The following ZCCHC4 variants were observed in gnomAD, a reference collection of about 807,000 sequenced individuals.
The protein encoded by ZCCHC4 is zinc finger CCHC-type containing 4.
Under a neutral mutation model 67.7 loss-of-function variants are expected in ZCCHC4, and 54 were observed. The observed-to-expected ratio is 0.80, with a 90% CI of 0.64 to 1.00. The LOEUF is 1.00. ZCCHC4 is among the 50% of genes least tolerant of loss of function. ZCCHC4 has a pLI of 0.00. For synonymous variants in ZCCHC4, 198 were observed against 213.5 expected (o/e 0.93, Z 0.63); for missense variants, 609 against 617.0 (o/e 0.99, Z 0.14).
rs1403396042 is a variant in ZCCHC4 at position 25,365,066 on chromosome 4, C to G, written c.1306C>G (p.His436Asp). 1.2e-6 allele frequency: 2 copies of G among 1,614,206 alleles called. No homozygotes were observed. The highest frequency in any genetic ancestry group is 1.7e-5 in the Admixed American group (1 of 60,026). Residue 436 changes from histidine (H) to aspartate (D), a missense_variant, in exon 12 of 13, where the codon CAT becomes GAT. By Grantham distance (81) the His-to-Asp change is moderately conservative. Transcript: ENST00000302874. Reference protein sequence around the residue: ...SICNHCAVPDHSCEGPKHGCF... With the variant: ...SICNHCAVPDDSCEGPKHGCF... The stretch of plus-strand genomic sequence containing the variant: ...CTGCAATCACTGTGCTGTTCCAGAT[C>G]ATTCTTGTGAGGGCCCCAAACATGG...
intron 3 of ZCCHC4, among the ~76,000 whole-genome samples, chr4:25,323,042 T>C (rs1718666375): frequency 1.3e-5 from 2 of 152,208 alleles, no homozygotes; most frequent in African/African-American, 4.8e-5. Flanking sequence ...TAATGTTTGG[T>C]TGTTCCTTTT....
At chr4:25,345,681 C>T in intron 6 of ZCCHC4, 61 bp downstream of exon 6, 1 of 1,114,482 alleles carries the variant, frequency 9.0e-7, no homozygotes, top group Non-Finnish European at 1.3e-6. Context: ...TTTCAGAGTG[C>T]CTCCTTTGTT....
rs538065639 is a variant in ZCCHC4 at position 25,365,644 on chromosome 4, A to G, written c.1406+478A>G. 172 of 985,618 alleles carry G rather than the reference A, an allele frequency of 1.7e-4. No homozygotes were observed. The African/African-American group carries it at 2.9e-3, about 17-fold the overall frequency. The allele number at this position is 985,618 out of a possible 1,614,324, so 61.1% of individuals were successfully genotyped here. ...GTATCAAATTTTAAGAAAAATATTTAGACATGCTTAATGCTTAAATATTTG... is the reference window on the plus strand; with the variant it reads ...GTATCAAATTTTAAGAAAAATATTTGGACATGCTTAATGCTTAAATATTTG... On this transcript the variant is annotated intron_variant, in intron 12 of 12. Coordinates refer to ENST00000302874, the MANE Select transcript of ZCCHC4 (RefSeq NM_024936.3).
intron 5 of ZCCHC4, among the ~76,000 whole-genome samples, chr4:25,344,771 T>C (rs1470679092): frequency 6.6e-6 from 1 of 151,178 alleles, no homozygotes; most frequent in African/African-American, 2.4e-5. Context: ...TTTATTAAGC[T>C]AGCCTGCGTT....
chr4:25,328,294 C>T (rs920741273), intron 3 of ZCCHC4, among the ~76,000 whole-genome samples: 18 of 152,094 alleles, frequency 1.2e-4, no homozygotes, highest in African/African-American at 4.3e-4. Flanking sequence ...GGCTGGAGTG[C>T]AGTGGCACGA....
chr4:25,360,525 G>C (rs762734387), intron 8 of ZCCHC4, among the ~76,000 whole-genome samples: 4 of 152,244 alleles, frequency 2.6e-5, no homozygotes, highest in African/African-American at 4.8e-5. Flanking sequence ...TGGCAGGACA[G>C]GCTACAGACA....
chr4:25,354,189 G>A (rs1239266799), intron 8 of ZCCHC4, among the ~76,000 whole-genome samples: 1 of 152,142 alleles, frequency 6.6e-6, no homozygotes, highest in Non-Finnish European at 1.5e-5. Context: ...TACAGCAGAT[G>A]AGAGAGGCAA....
intron 5 of ZCCHC4, among the ~76,000 whole-genome samples, chr4:25,340,208 C>G (rs1357304962): frequency 6.6e-6 from 1 of 152,110 alleles, no homozygotes; most frequent in Non-Finnish European, 1.5e-5. Flanking sequence ...GGTCTAACTG[C>G]TTGCATGTAG....
At chr4:25,323,299 T>G (rs2109053778) in intron 3 of ZCCHC4, among the ~76,000 whole-genome samples, 1 of 152,302 alleles carries the variant, frequency 6.6e-6, no homozygotes, top group African/African-American at 2.4e-5. Context: ...AAAGAAAAGA[T>G]AAATGTTTCA....
In ZCCHC4 at chr4:25,312,935, C is replaced by T. The variant is rs765963598; in HGVS notation, c.126C>T (p.His42=). The T allele has an allele frequency of 3.7e-6, 6 of 1,612,060 alleles. No individual in the cohort carries two copies. The highest frequency in any genetic ancestry group is 1.1e-5 in the South Asian group (1 of 91,010). ...DPAVPAPLCP[H]GPTLLFVKVT... Reference sequence around the variant, plus strand: ...CCGTCCCCGCCCCGCTGTGCCCTCACGGTGGGTCAGAGTCTGGGCTCAGCC... The same window carrying T: ...CCGTCCCCGCCCCGCTGTGCCCTCATGGTGGGTCAGAGTCTGGGCTCAGCC... The change falls in exon 1 of 13, where the codon CAC becomes CAT. Residue 42 remains histidine, a splice_region_variant and synonymous_variant. Coordinates refer to ENST00000302874, the MANE Select transcript of ZCCHC4 (RefSeq NM_024936.3).
At chr4:25,333,784 C>A (rs889581799) in intron 4 of ZCCHC4, 124 bp from the exon 5 acceptor site, 2 of 747,434 alleles carry the variant, frequency 2.7e-6, no homozygotes, top group Non-Finnish European at 4.1e-6. Context: ...CTGCCAAATT[C>A]TCTTCAGTGT....
intron 3 of ZCCHC4, among the ~76,000 whole-genome samples, chr4:25,318,797 T>G (rs55805374): frequency 0.45 from 68,579 of 151,542 alleles, 17,258 homozygotes; most frequent in Non-Finnish European, 0.56. Context: ...TTATTTTTTT[T>G]GGGGGGCCAT....
chr4:25,342,720 A>G (rs1201429969), intron 5 of ZCCHC4, among the ~76,000 whole-genome samples: 1 of 152,182 alleles, frequency 6.6e-6, no homozygotes, highest in Non-Finnish European at 1.5e-5. Flanking sequence ...TGTTTGCCTT[A>G]TTCAATGGAG....
intron 8 of ZCCHC4, among the ~76,000 whole-genome samples, chr4:25,360,042 A>C (rs1720663737): frequency 1.3e-5 from 2 of 152,246 alleles, no homozygotes; most frequent in African/African-American, 4.8e-5. Context: ...GAACTAGGAC[A>C]GTATCACTAT....
In ZCCHC4 at chr4:25,359,407, GGGC is replaced by G. The variant is rs1720635300; in HGVS notation, c.1012-2451_1012-2449del. 6.6e-6 allele frequency among the ~76,000 whole-genome samples: 1 copy of G among 152,134 alleles called. No individual in the cohort carries two copies. Among genetic ancestry groups the G allele is most frequent in the Non-Finnish European group, 1.5e-5 (1 of 68,030 alleles). ...GAATGGGGACCTCCAGGCACAGGCG[GGGC>G]ACCTGGAGGCTCGGCTACAGAGCTT... On this transcript the variant is annotated intron_variant, in intron 8 of 12. Coordinates refer to ENST00000302874, the MANE Select transcript of ZCCHC4 (RefSeq NM_024936.3). The surrounding 1 kb of genome is among the most constrained non-coding windows in gnomAD (Gnocchi z 4.9).
At chr4:25,323,504 AT>A (rs973205141) in intron 3 of ZCCHC4, among the ~76,000 whole-genome samples, 1 of 152,032 alleles carries the variant, frequency 6.6e-6, no homozygotes, top group African/African-American at 2.4e-5. Flanking sequence ...CACTTTTGGA[AT>A]TTGATTTAAT....
At chr4:25,330,349 A>C (rs994222812) in intron 3 of ZCCHC4, among the ~76,000 whole-genome samples, 1 of 152,040 alleles carries the variant, frequency 6.6e-6, no homozygotes. Context: ...ATACCTGGTA[A>C]TATTTTATTG....
Position 25,349,507 on chromosome 4 carries a change from T to C in ZCCHC4, c.775T>C (p.Cys259Arg). The stretch of plus-strand genomic sequence containing the variant: ...TTTGTTCCAGACTGCCCTTGAAGTA[T>C]GCAGAGCATTTTTACAGGAAGATAA... The part of the protein sequence containing the change: ...FFDGKTALEV[C>R]RAFLQEDKGE... Residue 259 changes from cysteine (C) to arginine (R), a missense_variant, in exon 7 of 13, where the codon TGC (cysteine) becomes CGC (arginine). Coordinates refer to ENST00000302874, the MANE Select transcript of ZCCHC4 (RefSeq NM_024936.3). 1.2e-6 allele frequency: 2 copies of C among 1,613,950 alleles called. No individual in the cohort carries two copies. The highest frequency in any genetic ancestry group is 1.3e-5 in the African/African-American group (1 of 75,036).
chr4:25,360,110 G>T (rs1020857992), intron 8 of ZCCHC4, among the ~76,000 whole-genome samples: 1 of 152,236 alleles, frequency 6.6e-6, no homozygotes, highest in East Asian at 1.9e-4. Context: ...TTGCCTTCAT[G>T]GGAGGATGAC....
Sources: allele counts gnomAD v4.1 joint callset (sites outside exome capture counted in the v4.1 genomes callset), GRCh38; gene constraint gnomAD v4.1.1; non-coding constraint Gnocchi (gnomAD v3.1); transcripts MANE v1.5; gene names NCBI Gene and HGNC (gene_info 2026-07-23, HGNC 2026-07-21).